The following CUL3 variants were observed in gnomAD, a reference collection of about 807,000 sequenced individuals.
The protein encoded by CUL3 is cullin-3.
CUL3 carries 19 observed loss-of-function variants against 89.1 expected under a neutral mutation model. The ratio of observed to expected loss-of-function variants is 0.21; its 90% CI spans 0.15 to 0.31. CUL3 has a LOEUF of 0.31. Ranked by LOEUF, CUL3 falls within the 10% of genes least tolerant of loss-of-function variation. CUL3 has a pLI of 1.00. For missense variants in CUL3, 469 were observed against 942.3 expected (o/e 0.50, Z 6.58); for synonymous variants, 351 against 308.4 (o/e 1.14, Z -1.45).
At chr2:224,519,707 A>T (rs1048082037) in intron 3 of CUL3, among the ~76,000 whole-genome samples, 2 of 152,194 alleles carry the variant, frequency 1.3e-5, no homozygotes, top group African/African-American at 4.8e-5. Flanking sequence ...AAGGGTACAG[A>T]TGCATAACCC....
intron 1 of CUL3, among the ~76,000 whole-genome samples, chr2:224,578,733 T>C (rs62187048): frequency 0.015 from 2,236 of 152,258 alleles, 28 homozygotes; most frequent in Non-Finnish European, 0.022. Context: ...AAAAGTTGCA[T>C]TATTTAAAAC....
chr2:224,576,693 G>A (rs979630927), intron 1 of CUL3, among the ~76,000 whole-genome samples: 16 of 147,456 alleles, frequency 1.1e-4, no homozygotes, highest in Non-Finnish European at 1.8e-4. Flanking sequence ...AAAAAGGGGG[G>A]GGGGGGAGGA....
intron 2 of CUL3, among the ~76,000 whole-genome samples, chr2:224,539,662 ATAACT>A (rs1454934696): frequency 2.0e-5 from 3 of 152,198 alleles, no homozygotes; most frequent in African/African-American, 7.2e-5. Context: ...AGATATAGAG[ATAACT>A]TAAACGCATA....
intron 11 of CUL3, among the ~76,000 whole-genome samples, chr2:224,498,062 G>A (rs1007277781): frequency 6.6e-6 from 1 of 152,118 alleles, no homozygotes; most frequent in African/African-American, 2.4e-5. Flanking sequence ...GATATTAAAT[G>A]ACAAAGGCCC....
At chr2:224,566,842 A>G (rs573225404) in intron 1 of CUL3, among the ~76,000 whole-genome samples, 31 of 152,338 alleles carry the variant, frequency 2.0e-4, no homozygotes, top group African/African-American at 7.0e-4. Flanking sequence ...ATGAGATAAA[A>G]AAGTATTTTG....
At chr2:224,490,571 G>C (rs1165850077) in intron 13 of CUL3, among the ~76,000 whole-genome samples, 1 of 151,864 alleles carries the variant, frequency 6.6e-6, no homozygotes, top group Non-Finnish European at 1.5e-5. Context: ...ACAATCTCTC[G>C]TCTCCGCACA....
At chr2:224,495,775 G>GAAA (rs1692149298) in intron 13 of CUL3, 57 bp downstream of exon 13, 2 of 1,448,238 alleles carry the variant, frequency 1.4e-6, no homozygotes, top group Non-Finnish European at 1.9e-6. Flanking sequence ...AAAGACTCAA[G>GAAA]TAACAAGTGA....
At chr2:224,515,592 C>A (rs967858251) in intron 3 of CUL3, among the ~76,000 whole-genome samples, 2 of 152,154 alleles carry the variant, frequency 1.3e-5, no homozygotes, top group Non-Finnish European at 2.9e-5. Flanking sequence ...TCACCAGATT[C>A]TTGAACATGA....
intron 1 of CUL3, among the ~76,000 whole-genome samples, chr2:224,579,102 ACTG>A (rs1308849010): frequency 1.3e-5 from 2 of 152,190 alleles, no homozygotes; most frequent in Non-Finnish European, 2.9e-5. Context: ...GTTCCTCTGA[ACTG>A]CTATCTAGAA....
At chr2:224,515,667 C>A (rs918674489) in intron 3 of CUL3, among the ~76,000 whole-genome samples, 11 of 151,840 alleles carry the variant, frequency 7.2e-5, no homozygotes, top group African/African-American at 2.4e-4. Context: ...AACAATGTAA[C>A]CAGAATAATA....
At chr2:224,476,030 GT>G (rs36057054) in intron 15 of CUL3, among the ~76,000 whole-genome samples, 27,330 of 147,566 alleles carry the variant, frequency 0.19, 2,771 homozygotes, top group South Asian at 0.27. Context: ...TTTTTTATTA[GT>G]TTTTTTTTTT....
rs1691149121 is a variant in CUL3, at chr2:224,472,046, C to T, written c.*2199G>A. 1 of 230,930 alleles carries T rather than the reference C, an allele frequency of 4.3e-6. No individual in the cohort carries two copies. The allele number at this position is 230,930 out of a possible 1,614,324, so 14.3% of individuals were successfully genotyped here. A position where few individuals can be genotyped will look rare whatever the true frequency, so the allele number is the denominator to read the frequency against. On this transcript the variant is annotated 3_prime_UTR_variant, in exon 16 of 16. Transcript: ENST00000264414. Reference sequence around the variant, plus strand: ...ATAACCTTTATGACCTAAAATAATACTTATGCAGTCAAACATATAAACATT... The same window carrying T: ...ATAACCTTTATGACCTAAAATAATATTTATGCAGTCAAACATATAAACATT...
At chr2:224,571,602 C>A (rs543466532) in intron 1 of CUL3, among the ~76,000 whole-genome samples, 1 of 152,060 alleles carries the variant, frequency 6.6e-6, no homozygotes, top group African/African-American at 2.4e-5. Flanking sequence ...AAAATTGTTA[C>A]AAAAATCTGC....
Position 224,478,065 on chromosome 2 carries a change from G to A in CUL3, c.2175+135C>T. On this transcript the variant is annotated intron_variant, in intron 15 of 15. Coordinates refer to ENST00000264414, the MANE Select transcript of CUL3 (RefSeq NM_003590.5). ...CACCATGTTTAGTTACCAAGTGAGT[G>A]CCATACATTTCATAAGTGTTACATC... The A allele has an allele frequency of 3.8e-6, 3 of 798,158 alleles. No homozygotes were observed. The South Asian group carries it at 8.2e-5, about 22-fold the overall frequency. 49.4% of individuals were successfully genotyped at this position (798,158 alleles called of 1,614,324 possible).
At chr2:224,479,601 T>C (rs1311453544) in intron 14 of CUL3, 1 of 152,150 alleles carries the variant, frequency 6.6e-6, no homozygotes, top group East Asian at 1.9e-4. Flanking sequence ...ATGAAATTAA[T>C]TTTCTTGGAT....
chr2:224,552,640 G>C (rs1694557569), intron 2 of CUL3, among the ~76,000 whole-genome samples: 1 of 152,072 alleles, frequency 6.6e-6, no homozygotes, highest in African/African-American at 2.4e-5. Flanking sequence ...TCCTCACCTT[G>C]AAATCAAAGT....
chr2:224,496,041 A>G, intron 12 of CUL3, 75 bp from the exon 13 acceptor site: 1 of 1,498,468 alleles, frequency 6.7e-7, no homozygotes, highest in Admixed American at 1.8e-5. Context: ...ATGTACGTAC[A>G]TATGTATGTT....
chr2:224,532,767 T>C (rs1183376235), intron 3 of CUL3, among the ~76,000 whole-genome samples: 3 of 152,130 alleles, frequency 2.0e-5, no homozygotes, highest in Non-Finnish European at 4.4e-5. Flanking sequence ...TTAATGCTGG[T>C]TGAGTAAGAT....
intron 4 of CUL3, among the ~76,000 whole-genome samples, chr2:224,513,922 GGA>G (rs1337000754): frequency 1.3e-5 from 2 of 152,182 alleles, no homozygotes; most frequent in Non-Finnish European, 2.9e-5. Context: ...CTGGAAGAAG[GGA>G]GAGAGGGAGA....
Sources: allele counts gnomAD v4.1 joint callset (sites outside exome capture counted in the v4.1 genomes callset), GRCh38; gene constraint gnomAD v4.1.1; transcripts MANE v1.5; gene names NCBI Gene and HGNC (gene_info 2026-07-23, HGNC 2026-07-21).